TSPAN9: variants seen among roughly 807,000 people sequenced by gnomAD.
TSPAN9 encodes tetraspanin 9.
Under a neutral mutation model 31.0 loss-of-function variants are expected in TSPAN9, and 16 were observed. The observed-to-expected ratio is 0.52, with a 90% CI of 0.35 to 0.78. The LOEUF (loss-of-function observed/expected upper bound fraction) is 0.78. Ranked by LOEUF, TSPAN9 falls within the 30% of genes least tolerant of loss-of-function variation. The pLI is 0.01. For synonymous variants in TSPAN9, 145 were observed against 121.6 expected, an observed-to-expected ratio of 1.19 and a Z score of -1.27; for missense variants, 272 against 312.5, an observed-to-expected ratio of 0.87 and a Z score of 0.98.
At chr12:3,194,686 C>A (rs1195933766) in intron 2 of TSPAN9, among the ~76,000 whole-genome samples, 1 of 152,170 alleles carries the variant, frequency 6.6e-6, no homozygotes, top group African/African-American at 2.4e-5. Flanking sequence ...CATGCCTGGC[C>A]TTTCTTTTCT....
Position 3,281,763 on chromosome 12 carries a change from C to A in TSPAN9, c.594C>A (p.Phe198Leu). Residue 198 changes from phenylalanine to leucine, a missense_variant, in exon 8 of 9, where the codon TTC (phenylalanine) becomes TTA (leucine). Transcript: ENST00000011898. The part of the protein sequence containing the change: ...TGCYEKVKMW[F>L]DDNKHVLGTV... The stretch of plus-strand genomic sequence containing the variant: ...GCTATGAAAAGGTGAAGATGTGGTT[C>A]GATGACAATAAGCACGTGCTGGGCA... The A allele has an allele frequency of 6.2e-7, 1 of 1,613,982 alleles. No homozygotes were observed. Among genetic ancestry groups the A allele is most frequent in the Non-Finnish European group, 8.5e-7 (1 of 1,179,896 alleles).
chr12:3,204,658 T>G (rs2098374004), intron 3 of TSPAN9, among the ~76,000 whole-genome samples: 2 of 152,076 alleles, frequency 1.3e-5, no homozygotes, highest in South Asian at 4.1e-4. Context: ...CAGTGGTCAC[T>G]CCTGACTGAG....
intron 2 of TSPAN9, among the ~76,000 whole-genome samples, chr12:3,146,178 T>C (rs1201691448): frequency 6.6e-6 from 1 of 152,230 alleles, no homozygotes; most frequent in African/African-American, 2.4e-5. Flanking sequence ...CAGCCTAGAT[T>C]TATGACCCGT....
rs183132348 is a variant in TSPAN9 at position 3,162,855 on chromosome 12, C to G, written c.-17-38322C>G. ...GAGGCTCAAGGTACCATCTCCCCTG[C>G]CGGGAGAGCTGAGGCAGCCCTGGAG... On this transcript the variant is annotated intron_variant, in intron 2 of 8. Coordinates refer to ENST00000011898, the MANE Select transcript of TSPAN9 (RefSeq NM_006675.5). 4.7e-4 allele frequency among the ~76,000 whole-genome samples: 71 copies of G among 152,264 alleles called. 1 individual carries two copies. In the East Asian group the frequency reaches 0.012, roughly 26 times the overall value.
At chr12:3,180,376 G>T (rs1205574441) in intron 2 of TSPAN9, among the ~76,000 whole-genome samples, 1 of 151,950 alleles carries the variant, frequency 6.6e-6, no homozygotes, top group Non-Finnish European at 1.5e-5. Flanking sequence ...TGTAGTTCTA[G>T]CTACTCAGGA....
intron 2 of TSPAN9, among the ~76,000 whole-genome samples, chr12:3,134,627 G>A (rs530838993): frequency 4.2e-4 from 64 of 152,304 alleles, no homozygotes; most frequent in African/African-American, 1.5e-3. Context: ...GAGGGATGGA[G>A]GGAAGTTTGG....
chr12:3,256,827 A>T (rs1430314871), intron 3 of TSPAN9, among the ~76,000 whole-genome samples: 1 of 152,200 alleles, frequency 6.6e-6, no homozygotes, highest in Non-Finnish European at 1.5e-5. Context: ...CTCCTGAAAT[A>T]CACGGCGACT....
At chr12:3,078,908 G>GT (rs2098296434) in intron 1 of TSPAN9, among the ~76,000 whole-genome samples, 1 of 151,716 alleles carries the variant, frequency 6.6e-6, no homozygotes, top group Admixed American at 6.6e-5. Flanking sequence ...AGTTGGCCAA[G>GT]TTTTTTCTAT....
chr12:3,108,974 T>C (rs1292595359), intron 2 of TSPAN9, among the ~76,000 whole-genome samples: 2 of 151,914 alleles, frequency 1.3e-5, no homozygotes, highest in African/African-American at 4.8e-5. Flanking sequence ...GTCTCGCTCT[T>C]GCCCAGGCTG....
chr12:3,229,242 T>G (rs565840442), intron 3 of TSPAN9, among the ~76,000 whole-genome samples: 4 of 152,256 alleles, frequency 2.6e-5, no homozygotes, highest in African/African-American at 9.6e-5. Flanking sequence ...CAGAGAGTTG[T>G]GGGGGCCACA....
chr12:3,200,849 T>G, intron 2 of TSPAN9: 1 of 223,664 alleles, frequency 4.5e-6, no homozygotes, highest in South Asian at 8.1e-5. Flanking sequence ...CGCGCCCGAC[T>G]TGGGCGCCCC....
At chr12:3,256,062 C>T (rs756743360) in intron 3 of TSPAN9, among the ~76,000 whole-genome samples, 8 of 151,894 alleles carry the variant, frequency 5.3e-5, no homozygotes, top group Non-Finnish European at 1.0e-4. Context: ...AGATCTAGGC[C>T]GGTCCCCCAT....
chr12:3,160,820 T>C (rs4766056), intron 2 of TSPAN9, among the ~76,000 whole-genome samples: 140,136 of 152,298 alleles, frequency 0.92, 65,570 homozygotes, highest in East Asian at 1. Context: ...AAGAATTCTT[T>C]ACATATTCTG....
chr12:3,203,532 C>T lies in TSPAN9; in HGVS notation c.63+2276C>T, dbSNP rs563555484. Reference sequence around the variant, plus strand: ...AATATATTTTCGTTACGGTTGATAGCGAGAGAACTTGCTGTCGCTTCCTAA... The same window carrying T: ...AATATATTTTCGTTACGGTTGATAGTGAGAGAACTTGCTGTCGCTTCCTAA... On this transcript the variant is annotated intron_variant, in intron 3 of 8. Transcript: ENST00000011898. Among the ~76,000 whole-genome samples the T allele has an allele frequency of 5.3e-5, 8 of 152,288 alleles. 1 individual carries two copies. The highest frequency in any genetic ancestry group is 3.3e-4 in the Admixed American group (5 of 15,300).
At chr12:3,165,203 T>C (rs1565599134) in intron 2 of TSPAN9, among the ~76,000 whole-genome samples, 1 of 152,184 alleles carries the variant, frequency 6.6e-6, no homozygotes, top group Non-Finnish European at 1.5e-5. Context: ...AGCTGCTGTT[T>C]TTCCTAATGG....
chr12:3,094,869 TG>T (rs71057898), intron 2 of TSPAN9, among the ~76,000 whole-genome samples: 3,603 of 92,314 alleles, frequency 0.039, 148 homozygotes, highest in African/African-American at 0.13. Context: ...TTTTTTTTTT[TG>T]TTTTTAAATT....
At chr12:3,145,923 T>TGGCAGGCAGAAGAGACAGATGGGC (rs1299284289) in intron 2 of TSPAN9, among the ~76,000 whole-genome samples, 23 of 152,204 alleles carry the variant, frequency 1.5e-4, no homozygotes, top group Non-Finnish European at 3.2e-4. Flanking sequence ...GAAGGCCTCT[T>TGGCAGGCAGAAGAGACAGATGGGC]GGCAGGCAGA....
intron 3 of TSPAN9, among the ~76,000 whole-genome samples, chr12:3,204,304 T>C (rs543974338): frequency 4.6e-5 from 7 of 152,118 alleles, no homozygotes; most frequent in African/African-American, 9.7e-5. Flanking sequence ...AGGATTCCCA[T>C]GTGGAAGAGA....
chr12:3,194,772 A>G (rs903548338), intron 2 of TSPAN9, among the ~76,000 whole-genome samples: 2 of 151,916 alleles, frequency 1.3e-5, no homozygotes, highest in East Asian at 1.9e-4. Flanking sequence ...TTCTACCCCA[A>G]CCCTTTCACC....
Sources: allele counts gnomAD v4.1 joint callset (sites outside exome capture counted in the v4.1 genomes callset), GRCh38; gene constraint gnomAD v4.1.1; transcripts MANE v1.5; gene names NCBI Gene and HGNC (gene_info 2026-07-23, HGNC 2026-07-21).